Variants in SAMD12 observed in about 807,000 individuals in gnomAD.
The protein encoded by SAMD12 is sterile alpha motif domain containing 12.
SAMD12 carries 9 observed loss-of-function variants against 15.0 expected under a neutral mutation model. The observed-to-expected ratio is 0.60, with a 90% CI of 0.36 to 1.05. The LOEUF (loss-of-function observed/expected upper bound fraction) is 1.05, where lower values mean the gene tolerates loss of function less well. Among genes scored for constraint, SAMD12 ranks in the 50% least tolerant of loss-of-function variants. SAMD12 has a pLI of 0.01. For missense variants in SAMD12, 230 were observed against 234.2 expected, an observed-to-expected ratio of 0.98 and a Z score of 0.12; for synonymous variants, 86 against 90.1, an observed-to-expected ratio of 0.96 and a Z score of 0.25.
intron 1 of SAMD12, among the ~76,000 whole-genome samples, chr8:118,596,132 C>T (rs903835833): frequency 6.6e-6 from 1 of 152,118 alleles, no homozygotes; most frequent in African/African-American, 2.4e-5. Flanking sequence ...CAGAATAAGA[C>T]ACACACTTTG....
intron 3 of SAMD12, among the ~76,000 whole-genome samples, chr8:118,408,669 C>A (rs1353002493): frequency 6.6e-6 from 1 of 152,094 alleles, no homozygotes; most frequent in African/African-American, 2.4e-5. Context: ...ATTTAAAAAA[C>A]AATCCACTCA....
chr8:118,353,902 C>T (rs566482230), intron 4 of SAMD12, among the ~76,000 whole-genome samples: 49 of 152,188 alleles, frequency 3.2e-4, no homozygotes, highest in Admixed American at 1.0e-3. Flanking sequence ...CTCCCCACCC[C>T]GCTTGCGCCT....
chr8:118,292,104 A>G (rs1477632955), intron 4 of SAMD12, among the ~76,000 whole-genome samples: 2 of 151,400 alleles, frequency 1.3e-5, no homozygotes, highest in Non-Finnish European at 2.9e-5. Flanking sequence ...ACTAAAATGC[A>G]TTCTGTGATA....
the SAMD12 span, among the ~76,000 whole-genome samples, chr8:118,144,407 G>A: frequency 2.0e-5 from 3 of 152,202 alleles, no homozygotes; most frequent in African/African-American, 2.4e-5. Flanking sequence ...GAGAGTTCAT[G>A]GGGGCCATAA....
At chr8:118,333,801 T>C (rs761722766) in intron 4 of SAMD12, among the ~76,000 whole-genome samples, 3 of 152,014 alleles carry the variant, frequency 2.0e-5, no homozygotes, top group Non-Finnish European at 2.9e-5. Context: ...AGTGATCAAA[T>C]AGCCCAGGCA....
At chr8:118,510,003 T>C (rs1825030004) in intron 2 of SAMD12, among the ~76,000 whole-genome samples, 1 of 152,190 alleles carries the variant, frequency 6.6e-6, no homozygotes, top group African/African-American at 2.4e-5. Flanking sequence ...GATGATAATA[T>C]TGAGGGTGAA....
At chr8:118,187,519 A>G (rs1427326883), downstream of SAMD12, among the ~76,000 whole-genome samples, 1 of 152,208 alleles carries the variant, frequency 6.6e-6, no homozygotes, top group Non-Finnish European at 1.5e-5. Context: ...TAGGTCTCAC[A>G]AAAGAGATTT....
At chr8:118,495,334 T>C (rs1056603696) in intron 2 of SAMD12, among the ~76,000 whole-genome samples, 3 of 152,144 alleles carry the variant, frequency 2.0e-5, no homozygotes, top group Non-Finnish European at 4.4e-5. Flanking sequence ...TGGGGAAGTA[T>C]GACATCATGG....
At position 118,552,910 on chromosome 8, in the gene SAMD12, A is replaced by G. The variant is rs1229382407; in HGVS notation, c.192+27805T>C. On this transcript the variant is annotated intron_variant, in intron 2 of 3. Coordinates refer to ENST00000314727, the MANE Select transcript of SAMD12 (RefSeq NM_207506.3). ...TAACAGACAAACAGAGAGCCAAATC[A>G]TGAGTGAACTCCCATTCACAATTGC... Among the ~76,000 whole-genome samples, 10 of 152,052 alleles carry G rather than the reference A, an allele frequency of 6.6e-5. No individual in the cohort carries two copies. The South Asian group carries it at 1.7e-3, about 25-fold the overall frequency.
intron 2 of SAMD12, among the ~76,000 whole-genome samples, chr8:118,545,644 T>C (rs1392663233): frequency 3.9e-5 from 6 of 152,168 alleles, no homozygotes. Context: ...TGAATCTTGA[T>C]GAACCCAAGA....
chr8:118,317,311 C>T (rs1308063431), intron 4 of SAMD12, among the ~76,000 whole-genome samples: 1 of 152,120 alleles, frequency 6.6e-6, no homozygotes, highest in Admixed American at 6.5e-5. Flanking sequence ...TATGTGTCAC[C>T]AGAGATGCAT....
At chr8:118,412,699 T>A (rs1322929895) in intron 3 of SAMD12, among the ~76,000 whole-genome samples, 2 of 152,142 alleles carry the variant, frequency 1.3e-5, no homozygotes, top group Non-Finnish European at 2.9e-5. Context: ...CCAGCTGAGG[T>A]ACCACTGATA....
At chr8:118,484,069 G>A (rs1009822562) in intron 2 of SAMD12, among the ~76,000 whole-genome samples, 2 of 152,202 alleles carry the variant, frequency 1.3e-5, no homozygotes, top group Non-Finnish European at 2.9e-5. Context: ...AGTGATACAT[G>A]CTATGAGGAC....
In SAMD12 at chr8:118,234,224, A is replaced by G. The variant is rs953781039; in HGVS notation, c.434-36492T>C. On this transcript the variant is annotated intron_variant, in intron 4 of 4. Coordinates refer to the SAMD12 transcript ENST00000409003. ...ATTAAAACACTCTTTCTCATTTGTC[A>G]GTCTCTGCTTGGATTCTACCTCCCT... Among the ~76,000 whole-genome samples the G allele has an allele frequency of 1.8e-4, 27 of 152,106 alleles. No individual in the cohort carries two copies. The Middle Eastern group carries it at 0.01, about 57-fold the overall frequency.
chr8:118,464,960 G>A (rs949285899), intron 2 of SAMD12, among the ~76,000 whole-genome samples: 3 of 152,128 alleles, frequency 2.0e-5, no homozygotes, highest in African/African-American at 7.2e-5. Context: ...TAAATGGTTT[G>A]GTCTTTGTGG....
chr8:118,146,499 T>A, the SAMD12 span, among the ~76,000 whole-genome samples: 3 of 152,212 alleles, frequency 2.0e-5, no homozygotes, highest in Admixed American at 6.5e-5. Context: ...GAAGACCCCA[T>A]ATTCCAATTC....
intron 4 of SAMD12, among the ~76,000 whole-genome samples, chr8:118,270,256 C>T (rs1803464146): frequency 1.3e-5 from 2 of 152,136 alleles, no homozygotes. Context: ...AGCCAAAATA[C>T]CCCAGAATCT....
chr8:118,261,709 A>G lies in SAMD12; in HGVS notation c.434-63977T>C, dbSNP rs150649056. ...TAGTAATGATAGCTAGTGACCATTT[A>G]TAAAGTTTTTGAAATAGGTGACAAG... is the stretch of plus-strand genomic sequence containing the variant. On this transcript the variant is annotated intron_variant, in intron 4 of 4. Coordinates refer to the SAMD12 transcript ENST00000409003. Among the ~76,000 whole-genome samples, 689 of 151,086 alleles carry G rather than the reference A, an allele frequency of 4.6e-3. 5 individuals are homozygous for G. Among genetic ancestry groups the G allele is most frequent in the Admixed American group, 8.5e-3 (129 of 15,132 alleles).
intron 4 of SAMD12, among the ~76,000 whole-genome samples, chr8:118,289,650 A>T (rs979974945): frequency 2.6e-5 from 4 of 152,206 alleles, no homozygotes. Flanking sequence ...AACCAGAATC[A>T]GGGCTGCTGA....
Sources: gnomAD v4.1 joint callset for allele counts (sites outside exome capture counted in the v4.1 genomes callset) on GRCh38, gnomAD v4.1.1 for gene constraint, MANE v1.5 for transcripts, NCBI Gene and HGNC (gene_info 2026-07-23, HGNC 2026-07-21) for gene names.